SCN11A: variants seen among roughly 807,000 people sequenced by gnomAD.
SCN11A encodes sodium channel protein type 11 subunit alpha.
In SCN11A, 122 loss-of-function variants were observed where a neutral mutation model predicts 162.2. The ratio of observed to expected loss-of-function variants is 0.75; its 90% CI spans 0.65 to 0.87. The LOEUF (loss-of-function observed/expected upper bound fraction) is 0.87, where lower values mean the gene tolerates loss of function less well. Among genes scored for constraint, SCN11A ranks in the 40% least tolerant of loss-of-function variants. SCN11A has a pLI of 0.00. For synonymous variants in SCN11A, 758 were observed against 751.5 expected, an observed-to-expected ratio of 1.01 and a Z score of -0.14; for missense variants, 2,015 against 2,181.6, an observed-to-expected ratio of 0.92 and a Z score of 1.52.
At chr3:38,873,578 T>G (rs746181928) in intron 23 of SCN11A, among the ~76,000 whole-genome samples, 1 of 152,212 alleles carries the variant, frequency 6.6e-6, no homozygotes, top group Non-Finnish European at 1.5e-5. Context: ...CCTAGCCAGA[T>G]GAAAACAGAT....
intron 2 of SCN11A, among the ~76,000 whole-genome samples, chr3:38,967,389 C>A (rs758903380): frequency 1.3e-5 from 2 of 152,230 alleles, no homozygotes; most frequent in Non-Finnish European, 2.9e-5. Context: ...TGTGAGGACA[C>A]TCAATGAGCC....
At chr3:38,866,706 C>T (rs1260743496) in intron 27 of SCN11A, among the ~76,000 whole-genome samples, 2 of 152,120 alleles carry the variant, frequency 1.3e-5, no homozygotes, top group Admixed American at 6.5e-5. Context: ...TTGGTGGCCA[C>T]CTTTGGGTGA....
chr3:38,958,087 G>A (rs2066703285), intron 3 of SCN11A, among the ~76,000 whole-genome samples: 1 of 152,222 alleles, frequency 6.6e-6, no homozygotes, highest in South Asian at 2.1e-4. Flanking sequence ...GAATTCGCCT[G>A]TAGTTATAAA....
chr3:38,927,551 G>A (rs535549590), intron 7 of SCN11A, among the ~76,000 whole-genome samples: 3 of 152,002 alleles, frequency 2.0e-5, no homozygotes, highest in East Asian at 1.9e-4. Context: ...TCCTGATATC[G>A]AAATTTATTA....
chr3:39,003,313 G>T (rs1316992473), intron 2 of SCN11A, among the ~76,000 whole-genome samples: 1 of 152,156 alleles, frequency 6.6e-6, no homozygotes, highest in Non-Finnish European at 1.5e-5. Flanking sequence ...TAGTTTACTA[G>T]GTATAATGCC....
intron 2 of SCN11A, among the ~76,000 whole-genome samples, chr3:39,017,513 A>G (rs902057494): frequency 1.3e-5 from 2 of 151,784 alleles, no homozygotes; most frequent in Non-Finnish European, 2.9e-5. Context: ...TGTTTTCTTT[A>G]TGTTTCTGTA....
intron 17 of SCN11A, among the ~76,000 whole-genome samples, chr3:38,898,910 C>A (rs2065650169): frequency 6.6e-6 from 1 of 152,000 alleles, no homozygotes; most frequent in Non-Finnish European, 1.5e-5. Context: ...TAGAGCCTGG[C>A]TGTAATAAGC....
intron 4 of SCN11A, among the ~76,000 whole-genome samples, chr3:38,951,604 A>G (rs1416660821): frequency 6.6e-6 from 1 of 152,264 alleles, no homozygotes; most frequent in East Asian, 1.9e-4. Flanking sequence ...GGGTGAAGCC[A>G]GCTGAGCTCC....
intron 21 of SCN11A, among the ~76,000 whole-genome samples, chr3:38,883,931 C>CT (rs1459254457): frequency 1.3e-5 from 2 of 152,138 alleles, no homozygotes; most frequent in Admixed American, 6.5e-5. Context: ...TGGCCACAGG[C>CT]TTTGTGAACC....
intron 1 of SCN11A, among the ~76,000 whole-genome samples, chr3:39,049,600 T>C (rs1234311695): frequency 3.9e-5 from 6 of 152,242 alleles, no homozygotes; most frequent in Admixed American, 3.9e-4. Context: ...TCACTGCTTC[T>C]GAACACCCAG....
intron 2 of SCN11A, among the ~76,000 whole-genome samples, chr3:38,987,549 A>C (rs1445513882): frequency 6.6e-6 from 1 of 152,172 alleles, no homozygotes; most frequent in Non-Finnish European, 1.5e-5. Flanking sequence ...TCTGAGATCC[A>C]AGACTTTTCT....
chr3:38,871,906 G>A (rs2065133223), intron 24 of SCN11A, among the ~76,000 whole-genome samples, 198 bp from the exon 25 acceptor site: 1 of 152,080 alleles, frequency 6.6e-6, no homozygotes, highest in Non-Finnish European at 1.5e-5. Context: ...TTGCCACTGA[G>A]GATACCTTGA....
intron 2 of SCN11A, among the ~76,000 whole-genome samples, chr3:38,961,392 C>T (rs1222475955): frequency 6.6e-6 from 1 of 152,128 alleles, no homozygotes; most frequent in Non-Finnish European, 1.5e-5. Flanking sequence ...GGAAAAATGC[C>T]TGGTTGCTTT....
intron 22 of SCN11A, 103 bp from the exon 23 acceptor site, chr3:38,880,226 ATCTC>A: frequency 1.3e-6 from 1 of 763,506 alleles, no homozygotes; most frequent in Non-Finnish European, 2.1e-6. Context: ...AAAAACTGGT[ATCTC>A]TCTTCGTAAT....
In SCN11A at chr3:38,850,702, T is replaced by C. The variant is rs768903381; in HGVS notation, c.4106A>G (p.Asp1369Gly). 2 of 1,613,432 alleles carry C rather than the reference T, an allele frequency of 1.2e-6. No homozygotes were observed. The highest frequency in any genetic ancestry group is 1.7e-6 in the Non-Finnish European group (2 of 1,179,478). The part of the protein sequence containing the change: ...VFDIVTSQIF[D>G]IIIISLIILN... ...GATAATGAGACTTATGATGATGATGTCAAAGATCTGGCTTGTGACTATGTC... is the reference window on the plus strand; with the variant it reads ...GATAATGAGACTTATGATGATGATGCCAAAGATCTGGCTTGTGACTATGTC... The change falls in exon 29 of 30, where the codon GAC (aspartate) becomes GGC (glycine). Residue 1369 changes from aspartate (D) to glycine (G), a missense_variant. By Grantham distance (94) the Asp-to-Gly change is moderately conservative (BLOSUM62 -1). Transcript: ENST00000302328.
At chr3:38,896,731 G>T (rs1283952062) in intron 18 of SCN11A, 114 bp downstream of exon 18, 3 of 861,692 alleles carry the variant, frequency 3.5e-6, no homozygotes, top group Non-Finnish European at 4.9e-6. Flanking sequence ...ATATTTATTT[G>T]GCATTATATT....
chr3:39,032,195 C>T (rs536139704), intron 2 of SCN11A, among the ~76,000 whole-genome samples, 185 bp downstream of exon 2: 2 of 152,262 alleles, frequency 1.3e-5, no homozygotes, highest in South Asian at 4.1e-4. Flanking sequence ...AGCATTTCTG[C>T]ATTATTTAAA....
At chr3:39,018,760 G>A (rs1180303765) in intron 2 of SCN11A, among the ~76,000 whole-genome samples, 3 of 152,282 alleles carry the variant, frequency 2.0e-5, no homozygotes, top group East Asian at 3.9e-4. Context: ...AGAGCTTGCA[G>A]TGAGCCGAGA....
At chr3:38,936,589 A>G in intron 7 of SCN11A, among the ~76,000 whole-genome samples, 1 of 150,854 alleles carries the variant, frequency 6.6e-6, no homozygotes, top group Admixed American at 6.6e-5. Context: ...AGACAAACAG[A>G]GAGCCAAATC....
Sources: allele counts gnomAD v4.1 joint callset (sites outside exome capture counted in the v4.1 genomes callset), GRCh38; gene constraint gnomAD v4.1.1; transcripts MANE v1.5; gene names NCBI Gene and HGNC (gene_info 2026-07-23, HGNC 2026-07-21).